NF1: variants seen among roughly 807,000 people sequenced by gnomAD.
NF1 encodes the protein neurofibromin 1.
In NF1, 122 loss-of-function variants were observed where a neutral mutation model predicts 325.7. The ratio of observed to expected loss-of-function variants is 0.37; its 90% CI spans 0.32 to 0.44. The LOEUF (loss-of-function observed/expected upper bound fraction) is 0.44, where lower values mean the gene tolerates loss of function less well. NF1 is among the 20% of genes least tolerant of loss of function. The probability of loss-of-function intolerance (pLI) is 1.00; values close to 1 mark genes in which losing one functional copy is unlikely to be tolerated. For synonymous variants in NF1, 1,091 were observed against 1,186.0 expected (o/e 0.92, Z 1.65); for missense variants, 2,140 against 3,415.4 (o/e 0.63, Z 9.31).
chr17:31,338,163 C>A (rs2151558511), intron 45 of NF1, 24 bp downstream of exon 45: 1 of 1,484,074 alleles, frequency 6.7e-7, no homozygotes, highest in South Asian at 1.1e-5. Flanking sequence ...CCTCACTTCT[C>A]CCAAATATTT....
chr17:31,222,339 C>A, intron 15 of NF1: 1 of 1,037,792 alleles, frequency 9.6e-7, no homozygotes, highest in Non-Finnish European at 1.2e-6. Flanking sequence ...CCAATGCTTT[C>A]GATGAATGAA....
chr17:31,146,264 G>T (rs1398658142), intron 1 of NF1, among the ~76,000 whole-genome samples: 1 of 152,162 alleles, frequency 6.6e-6, no homozygotes, highest in Non-Finnish European at 1.5e-5. Context: ...ATTTTTGGGA[G>T]CGCCAACCCA....
chr17:31,137,597 G>A (rs1915873073), intron 1 of NF1: 1 of 152,032 alleles, frequency 6.6e-6, no homozygotes, highest in Admixed American at 6.6e-5. Flanking sequence ...CAGGTGTGCA[G>A]CTATCATCCT....
At chr17:31,138,694 C>T (rs766396278) in intron 1 of NF1, among the ~76,000 whole-genome samples, 10 of 149,940 alleles carry the variant, frequency 6.7e-5, no homozygotes, top group East Asian at 2.0e-4. Flanking sequence ...CCCAGGTTCA[C>T]GCAATTCTTC....
At chr17:31,280,434 T>C (rs1028542586) in intron 36 of NF1, among the ~76,000 whole-genome samples, 9 of 148,348 alleles carry the variant, frequency 6.1e-5, no homozygotes. Context: ...GGAGAATCGC[T>C]TGAACCCGGG....
At chr17:31,294,785 C>T in intron 36 of NF1, 1 of 582,184 alleles carries the variant, frequency 1.7e-6, no homozygotes, top group South Asian at 2.1e-5. Context: ...AAAAGAAACT[C>T]ATTAGTTTAC....
chr17:31,286,983 C>A (rs2068240329), intron 36 of NF1, among the ~76,000 whole-genome samples: 2 of 152,176 alleles, frequency 1.3e-5, no homozygotes, highest in Admixed American at 6.5e-5. Context: ...CAAAATAATA[C>A]AAAGTGAAAA....
chr17:31,262,658 ACATATAACTCCAAAC>A (rs2067704911), intron 35 of NF1, among the ~76,000 whole-genome samples: 1 of 152,204 alleles, frequency 6.6e-6, no homozygotes, highest in African/African-American at 2.4e-5. Context: ...ATGGTTTTGT[ACATATAACTCCAAAC>A]CATTGATACT....
intron 57 of NF1, chr17:31,367,379 A>C: frequency 5.6e-6 from 4 of 717,716 alleles, no homozygotes; most frequent in Non-Finnish European, 6.4e-6. Context: ...CTGTAAGCTC[A>C]GTCTGCCTTA....
chr17:31,269,301 T>A (rs1191992842), intron 36 of NF1, among the ~76,000 whole-genome samples: 4 of 152,214 alleles, frequency 2.6e-5, no homozygotes, highest in Non-Finnish European at 4.4e-5. Flanking sequence ...ACTTTTCTAA[T>A]CTTTTCCTTC....
At chr17:31,327,409 G>A in intron 37 of NF1, 90 bp from the exon 38 acceptor site, 1 of 898,944 alleles carries the variant, frequency 1.1e-6, no homozygotes, top group Non-Finnish European at 1.8e-6. Context: ...ATAGTGTTTT[G>A]TTTGGTTGGT....
At chr17:31,173,708 G>C (rs2065971455) in intron 5 of NF1, among the ~76,000 whole-genome samples, 1 of 152,178 alleles carries the variant, frequency 6.6e-6, no homozygotes, top group Non-Finnish European at 1.5e-5. Context: ...GAGCAGAAAA[G>C]GGAAGGAAAG....
At position 31,163,174 on chromosome 17, in the gene NF1, T is replaced by C. The variant is rs1486449114; in HGVS notation, c.289-12T>C. Reference sequence around the variant, plus strand: ...ATTAAAGTTTAGAATAATGTGATTATTTCTATTTTAGCAACCAAAGGACAC... The same window carrying C: ...ATTAAAGTTTAGAATAATGTGATTACTTCTATTTTAGCAACCAAAGGACAC... On this transcript the variant is annotated splice_polypyrimidine_tract_variant and intron_variant, in intron 3 of 57. Coordinates refer to ENST00000358273, the MANE Select transcript of NF1 (RefSeq NM_001042492.3). 3 of 1,613,348 alleles carry C rather than the reference T, an allele frequency of 1.9e-6. No individual in the cohort carries two copies. Among genetic ancestry groups the C allele is most frequent in the Non-Finnish European group, 2.5e-6 (3 of 1,179,464 alleles).
chr17:31,179,585 G>A (rs1461949688), intron 5 of NF1, among the ~76,000 whole-genome samples: 1 of 152,026 alleles, frequency 6.6e-6, no homozygotes, highest in South Asian at 2.1e-4. Flanking sequence ...CTCGTGATCC[G>A]CCGCCTTGGC....
chr17:31,335,219 A>G (rs1162743271), intron 40 of NF1, among the ~76,000 whole-genome samples, 188 bp downstream of exon 40: 2 of 102,170 alleles, frequency 2.0e-5, no homozygotes, highest in Admixed American at 1.1e-4. Context: ...TGTCTAGTGC[A>G]TGTCTCAGAG....
intron 1 of NF1, among the ~76,000 whole-genome samples, chr17:31,127,072 A>C (rs974675450): frequency 1.3e-5 from 2 of 150,322 alleles, no homozygotes; most frequent in African/African-American, 5.0e-5. Context: ...CTGTGATCTC[A>C]GTGCTTGCTT....
chr17:31,097,857 T>C (rs1225636882), intron 1 of NF1, among the ~76,000 whole-genome samples: 1 of 152,072 alleles, frequency 6.6e-6, no homozygotes, highest in Non-Finnish European at 1.5e-5. Flanking sequence ...CCATCGTGCC[T>C]GGCTAATTTT....
chr17:31,197,895 A>G (rs1246368077), intron 8 of NF1, among the ~76,000 whole-genome samples: 1 of 152,184 alleles, frequency 6.6e-6, no homozygotes, highest in African/African-American at 2.4e-5. Flanking sequence ...TAGGGGAAAA[A>G]CGTTCAATCT....
At chr17:31,157,687 T>C (rs1174787392) in intron 2 of NF1, among the ~76,000 whole-genome samples, 1 of 151,252 alleles carries the variant, frequency 6.6e-6, no homozygotes, top group East Asian at 2.0e-4. Flanking sequence ...AGGCCAGGCA[T>C]GGTGGCTCAC....
Sources: allele counts gnomAD v4.1 joint callset (sites outside exome capture counted in the v4.1 genomes callset), GRCh38; gene constraint gnomAD v4.1.1; transcripts MANE v1.5; gene names NCBI Gene and HGNC (gene_info 2026-07-23, HGNC 2026-07-21).